The following TUBGCP4 variants were observed in gnomAD, a reference collection of about 807,000 sequenced individuals.
The protein encoded by TUBGCP4 is tubulin gamma complex component 4.
In TUBGCP4, 54 loss-of-function variants were observed where a neutral mutation model predicts 91.6. The ratio of observed to expected loss-of-function variants is 0.59; its 90% CI spans 0.47 to 0.74. TUBGCP4 has a LOEUF of 0.74. TUBGCP4 is among the 30% of genes least tolerant of loss of function. The pLI is 0.00. For synonymous variants in TUBGCP4, 297 were observed against 302.8 expected (o/e 0.98, Z 0.20); for missense variants, 593 against 800.9 (o/e 0.74, Z 3.13).
In TUBGCP4 at chr15:43,407,499, C is replaced by T; in HGVS notation, c.*2285C>T. ...GACACCACAGGCAGCTGCAATGCTT[C>T]AGCACACTTCAGCACCGAGGCTGGG... On this transcript the variant is annotated 3_prime_UTR_variant, in exon 18 of 18. Coordinates refer to ENST00000564079, the MANE Select transcript of TUBGCP4 (RefSeq NM_014444.5). 2 of 1,614,234 alleles carry T rather than the reference C, an allele frequency of 1.2e-6. No homozygotes were observed. The highest frequency in any genetic ancestry group is 2.2e-5 in the East Asian group (1 of 44,880).
At chr15:43,380,959 C>G (rs1355661298) in intron 6 of TUBGCP4, among the ~76,000 whole-genome samples, 1 of 151,938 alleles carries the variant, frequency 6.6e-6, no homozygotes, top group African/African-American at 2.4e-5. Flanking sequence ...CTGTTTTGTT[C>G]TTTTTTTCTT....
Position 43,371,411 on chromosome 15 carries a change from G to A in TUBGCP4, c.57G>A (p.Trp19Ter). The part of the protein sequence containing the change: ...LSGYPGSIFT[W>*]NKRSGLQVSQ... ...GGTACCCTGGGTCCATTTTCACCTGGAACAAGCGGAGTGGCCTGCAGGTAC... is the reference window on the plus strand; with the variant it reads ...GGTACCCTGGGTCCATTTTCACCTGAAACAAGCGGAGTGGCCTGCAGGTAC... The change falls in exon 1 of 18, where the codon TGG becomes TGA. Residue 19 changes from tryptophan (W) to a stop codon, truncating the protein, a stop_gained. Transcript: ENST00000564079. LOFTEE classifies it high-confidence loss of function. 1 of 1,614,126 alleles carries A rather than the reference G, an allele frequency of 6.2e-7. No individual in the cohort carries two copies.
chr15:43,400,161 C>G lies in TUBGCP4; in HGVS notation c.1536C>G (p.Ile512Met), dbSNP rs2044648268. ...KHLKSNQTDAIKWRLRNHMAF... is the reference protein window; with the variant it reads ...KHLKSNQTDAMKWRLRNHMAF... ...TCAAGTCGAACCAGACTGATGCAAT[C>G]AAGTGGCGCCTAAGAAATCACATGG... The change falls in exon 14 of 18, where the codon ATC becomes ATG. Residue 512 changes from isoleucine (I) to methionine (M), a missense_variant. Coordinates refer to ENST00000564079, the MANE Select transcript of TUBGCP4 (RefSeq NM_014444.5). The G allele has an allele frequency of 6.2e-7, 1 of 1,614,054 alleles. No individual in the cohort carries two copies.
chr15:43,390,538 G>A (rs1391990544), intron 9 of TUBGCP4, among the ~76,000 whole-genome samples: 1 of 140,394 alleles, frequency 7.1e-6, no homozygotes, highest in African/African-American at 2.8e-5. Context: ...TTGAGACAGA[G>A]TCTCACTGTG....
rs369645795 is a variant in TUBGCP4, at chr15:43,401,842, T to C, written c.1723T>C (p.Leu575=). ...TTTGCTGGCTCAATCCTTTATCCTA[T>C]TGAAACCTGTAAGTAAGGCTCATTG... ...SNLLAQSFIL[L]KPVFHCLNEI... is the part of the protein sequence containing the mutation. The change falls in exon 15 of 18, where the codon TTG becomes CTG. Residue 575 remains leucine (L), a synonymous_variant. Transcript: ENST00000564079. The C allele has an allele frequency of 3.8e-5, 61 of 1,614,032 alleles. No individual in the cohort carries two copies. In the East Asian group the frequency reaches 1.0e-3, roughly 27 times the overall value.
Position 43,408,099 on chromosome 15 carries a change from G to C in TUBGCP4, c.*2885G>C. 6.2e-7 allele frequency: 1 copy of C among 1,612,780 alleles called. No homozygotes were observed. Among genetic ancestry groups the C allele is most frequent in the Non-Finnish European group, 8.5e-7 (1 of 1,179,440 alleles). ...TTTTCACGGGGTTGCCTATGAAGGA[G>C]ACAGGAAAGGACCTTAGCATGACAA... On this transcript the variant is annotated 3_prime_UTR_variant, in exon 18 of 18. Coordinates refer to ENST00000564079, the MANE Select transcript of TUBGCP4 (RefSeq NM_014444.5).
chr15:43,409,748 T>TAA lies in TUBGCP4; in HGVS notation c.*4544_*4545dup. On this transcript the variant is annotated 3_prime_UTR_variant, in exon 18 of 18. Transcript: ENST00000564079. Reference sequence around the variant, plus strand: ...GGAGGAATTTCCAAAAATTCTATATTAAAAAAAAAAACCAAGATAATAATT... The same window carrying TAA: ...GGAGGAATTTCCAAAAATTCTATATTAAAAAAAAAAAAACCAAGATAATAATT... 125 of 1,221,794 alleles carry TAA rather than the reference T, an allele frequency of 1.0e-4. No individual in the cohort carries two copies. The highest frequency in any genetic ancestry group is 2.3e-4 in the Middle Eastern group (1 of 4,336). The allele number at this position is 1,221,794 out of a possible 1,614,324, so 75.7% of individuals were successfully genotyped here.
chr15:43,396,297 T>C (rs1388401170), intron 11 of TUBGCP4, among the ~76,000 whole-genome samples: 1 of 152,214 alleles, frequency 6.6e-6, no homozygotes, highest in Non-Finnish European at 1.5e-5. Context: ...TAGGTTTTGA[T>C]TGGCCCAGCC....
chr15:43,404,501 T>TA lies in TUBGCP4; in HGVS notation c.1938dup (p.Arg647ThrfsTer5). The TA allele has an allele frequency of 6.2e-7, 1 of 1,614,204 alleles. No homozygotes were observed. Among genetic ancestry groups the TA allele is most frequent in the Non-Finnish European group, 8.5e-7 (1 of 1,180,042 alleles). On this transcript the variant is annotated frameshift_variant, in exon 17 of 18. Coordinates refer to ENST00000564079, the MANE Select transcript of TUBGCP4 (RefSeq NM_014444.5). LOFTEE classifies it high-confidence loss of function. ...AACTCAGATTTGGCTCAACTACTGT[T>TA]ACGACTAGATTATAACAAATACTAT...
rs1410224638 is a variant in TUBGCP4 at position 43,404,397 on chromosome 15, G to A, written c.1849-16G>A. On this transcript the variant is annotated splice_polypyrimidine_tract_variant and intron_variant, in intron 16 of 17. Transcript: ENST00000564079. ...TGAGCTGAAGTGGAATGACAGCTGAGTCCTTCTCTCTGCAGGGCTTTAGCC... is the reference window on the plus strand; with the variant it reads ...TGAGCTGAAGTGGAATGACAGCTGAATCCTTCTCTCTGCAGGGCTTTAGCC... The A allele has an allele frequency of 5.6e-6, 9 of 1,613,862 alleles. No individual in the cohort carries two copies. The highest frequency in any genetic ancestry group is 7.6e-6 in the Non-Finnish European group (9 of 1,179,914).
chr15:43,387,693 C>G (rs2044399664), intron 9 of TUBGCP4, among the ~76,000 whole-genome samples: 1 of 151,842 alleles, frequency 6.6e-6, no homozygotes, highest in African/African-American at 2.4e-5. Flanking sequence ...AACTCGTGAG[C>G]TCAAGTGATC....
intron 1 of TUBGCP4, among the ~76,000 whole-genome samples, chr15:43,373,851 A>C (rs1261788899): frequency 6.6e-6 from 1 of 151,778 alleles, no homozygotes; most frequent in Non-Finnish European, 1.5e-5. Context: ...ATGGGGTTTC[A>C]CCGTGTTAGC....
chr15:43,392,568 G>A (rs951678752), intron 9 of TUBGCP4, among the ~76,000 whole-genome samples: 1 of 151,796 alleles, frequency 6.6e-6, no homozygotes, highest in Non-Finnish European at 1.5e-5. Context: ...GCGTGATCTC[G>A]GCTCACTGCA....
chr15:43,405,522 G>A lies in TUBGCP4; in HGVS notation c.*308G>A. On this transcript the variant is annotated 3_prime_UTR_variant, in exon 18 of 18. Transcript: ENST00000564079. Reference sequence around the variant, plus strand: ...AGCACCTACTACGTACCTTGGTACTGTTCAAGCTGTGGGAGATACAGCGGT... The same window carrying A: ...AGCACCTACTACGTACCTTGGTACTATTCAAGCTGTGGGAGATACAGCGGT... 2 of 384,314 alleles carry A rather than the reference G, an allele frequency of 5.2e-6. No homozygotes were observed. Among genetic ancestry groups the A allele is most frequent in the East Asian group, 4.4e-5 (1 of 22,738 alleles). The allele number at this position is 384,314 out of a possible 1,614,324, so 23.8% of individuals were successfully genotyped here. A position where few individuals can be genotyped will look rare whatever the true frequency, so the allele number is the denominator to read the frequency against.
chr15:43,408,923 G>T lies in TUBGCP4; in HGVS notation c.*3709G>T. 1 of 1,614,150 alleles carries T rather than the reference G, an allele frequency of 6.2e-7. No individual in the cohort carries two copies. Among genetic ancestry groups the T allele is most frequent in the Non-Finnish European group, 8.5e-7 (1 of 1,180,024 alleles). On this transcript the variant is annotated 3_prime_UTR_variant, in exon 18 of 18. Transcript: ENST00000564079. The stretch of plus-strand genomic sequence containing the variant: ...AGTCCAGAATTCTTTGCTCCTCAAG[G>T]CTGTACCCAGCTGGCAACAGATAAT...
chr15:43,377,834 C>A lies in TUBGCP4; in HGVS notation c.385-13C>A. On this transcript the variant is annotated splice_polypyrimidine_tract_variant and intron_variant, in intron 4 of 17. Coordinates refer to ENST00000564079, the MANE Select transcript of TUBGCP4 (RefSeq NM_014444.5). ...TTGATTACATACCCTTCTAATTATTCTCTACTTTGCAGTTCCAGCTTCTTT... is the reference window on the plus strand; with the variant it reads ...TTGATTACATACCCTTCTAATTATTATCTACTTTGCAGTTCCAGCTTCTTT... 6 of 1,591,276 alleles carry A rather than the reference C, an allele frequency of 3.8e-6. No individual in the cohort carries two copies. The South Asian group carries it at 6.9e-5, about 18-fold the overall frequency.
At chr15:43,388,242 C>T (rs574830476) in intron 9 of TUBGCP4, among the ~76,000 whole-genome samples, 6 of 152,294 alleles carry the variant, frequency 3.9e-5, no homozygotes, top group South Asian at 2.1e-4. Flanking sequence ...CAGTGCACTT[C>T]GTTCAGTGTC....
intron 15 of TUBGCP4, 173 bp from the exon 16 acceptor site, chr15:43,403,510 A>G (rs1432260457): frequency 3.5e-6 from 2 of 575,570 alleles, no homozygotes; most frequent in Non-Finnish European, 6.2e-6. Context: ...TGTTTTACGC[A>G]TTTTGTGCGT....
Position 43,404,414 on chromosome 15 carries a change from G to C in TUBGCP4, c.1850G>C (p.Gly617Ala). ...GAAQLSILVK[G>A]FSRQSSLLFK... The stretch of plus-strand genomic sequence containing the variant: ...ACAGCTGAGTCCTTCTCTCTGCAGG[G>C]CTTTAGCCGCCAGTCTTCACTCCTG... Residue 617 changes from glycine to alanine, a missense_variant and splice_region_variant, in exon 17 of 18, where the codon GGC becomes GCC. Coordinates refer to ENST00000564079, the MANE Select transcript of TUBGCP4 (RefSeq NM_014444.5). The C allele has an allele frequency of 1.9e-6, 3 of 1,614,062 alleles. No homozygotes were observed. Among genetic ancestry groups the C allele is most frequent in the Non-Finnish European group, 2.5e-6 (3 of 1,179,980 alleles).
Sources: gnomAD v4.1 joint callset for allele counts (sites outside exome capture counted in the v4.1 genomes callset) on GRCh38, gnomAD v4.1.1 for gene constraint, MANE v1.5 for transcripts, NCBI Gene and HGNC (gene_info 2026-07-23, HGNC 2026-07-21) for gene names.